The following DMRTB1 variants were observed in gnomAD, a reference collection of about 807,000 sequenced individuals.
DMRTB1 encodes doublesex- and mab-3-related transcription factor B1.
In DMRTB1, 9 loss-of-function variants were observed where a neutral mutation model predicts 25.2. The ratio of observed to expected loss-of-function variants is 0.36; its 90% CI spans 0.22 to 0.62. DMRTB1 has a LOEUF of 0.62. Ranked by LOEUF, DMRTB1 falls within the 20% of genes least tolerant of loss-of-function variation. DMRTB1 has a pLI of 0.71. For missense variants in DMRTB1, 551 were observed against 499.3 expected, an observed-to-expected ratio of 1.10 and a Z score of -0.99; for synonymous variants, 269 against 238.1, an observed-to-expected ratio of 1.13 and a Z score of -1.20.
At position 53,459,802 on chromosome 1, in the gene DMRTB1, G is replaced by A; in HGVS notation, c.349G>A (p.Ala117Thr). ...CCCGGGACCCGAGGGCCGCGCGGCC[G>A]CTTGCTTCTTCGAGCAGCCCCCGCG... ...ADPGPEGRAA[A>T]CFFEQPPRGR... The change falls in exon 1 of 4, where the codon GCT becomes ACT. Residue 117 changes from alanine to threonine, a missense_variant. Transcript: ENST00000371445. 3 of 1,428,136 alleles carry A rather than the reference G, an allele frequency of 2.1e-6. No individual in the cohort carries two copies. Among genetic ancestry groups the A allele is most frequent in the Non-Finnish European group, 2.7e-6 (3 of 1,096,632 alleles). The allele number at this position is 1,428,136 out of a possible 1,614,324, so 88.5% of individuals were successfully genotyped here.
Position 53,466,502 on chromosome 1 carries a change from A to G in DMRTB1, c.962-93A>G, listed in dbSNP as rs975927030. ...CGAGACTCTGTCTCAAAAAAATTAA[A>G]ATAAAATAAGAAAAAAGAAAATCTT... On this transcript the variant is annotated intron_variant, in intron 3 of 3. Coordinates refer to ENST00000371445, the MANE Select transcript of DMRTB1 (RefSeq NM_033067.3). 85 of 1,319,702 alleles carry G rather than the reference A, an allele frequency of 6.4e-5. No homozygotes were observed. In the African/African-American group the frequency reaches 1.2e-3, roughly 18 times the overall value. The allele number at this position is 1,319,702 out of a possible 1,614,324, so 81.7% of individuals were successfully genotyped here.
chr1:53,460,374 C>G (rs1326668096), intron 1 of DMRTB1: 3 of 195,596 alleles, frequency 1.5e-5, no homozygotes, highest in African/African-American at 7.0e-5. Context: ...TCTTGCGCAC[C>G]TCTTCCCGCC....
intron 2 of DMRTB1, among the ~76,000 whole-genome samples, chr1:53,462,532 T>C (rs1292108761): frequency 6.6e-6 from 1 of 152,216 alleles, no homozygotes; most frequent in Non-Finnish European, 1.5e-5. Context: ...AAAATCATTT[T>C]CCACTGATTC....
intron 2 of DMRTB1, among the ~76,000 whole-genome samples, chr1:53,464,202 T>C (rs959180608): frequency 6.6e-6 from 1 of 152,214 alleles, no homozygotes; most frequent in Non-Finnish European, 1.5e-5. Context: ...AGAAGTCAGC[T>C]GAGTGGGCTA....
intron 1 of DMRTB1, 58 bp downstream of exon 1, chr1:53,460,088 C>T (rs916361912): frequency 1.0e-5 from 15 of 1,484,734 alleles, no homozygotes; most frequent in Non-Finnish European, 1.2e-5. Context: ...CAGGCCAGCC[C>T]GGATGGGGAG....
chr1:53,463,049 TGAGCTGCCACCACAGGCCCCAGGCAG>T (rs1644030454), intron 2 of DMRTB1, among the ~76,000 whole-genome samples: 1 of 152,222 alleles, frequency 6.6e-6, no homozygotes, highest in South Asian at 2.1e-4. Flanking sequence ...TATCTGGGCC[TGAGCTGCCACCACAGGCCCCAGGCAG>T]GAGCTGTGAT....
chr1:53,466,614 A>G lies in DMRTB1; in HGVS notation c.981A>G (p.Val327=). The G allele has an allele frequency of 6.2e-7, 1 of 1,614,240 alleles. No individual in the cohort carries two copies. The highest frequency in any genetic ancestry group is 8.5e-7 in the Non-Finnish European group (1 of 1,180,046). The change falls in exon 4 of 4, where the codon GTA becomes GTG. Residue 327 remains valine (V), a synonymous_variant. Transcript: ENST00000371445. ...TCACAGATGACCAGGATGCAGAGGT[A>G]CTGTCGGGTGAGCCCAGCCAGCCAT... ...KENTDDQDAE[V]LSGEPSQPSS...
intron 1 of DMRTB1, 110 bp from the exon 2 acceptor site, chr1:53,461,363 G>A: frequency 1.7e-6 from 2 of 1,161,494 alleles, no homozygotes; most frequent in Non-Finnish European, 2.4e-6. Flanking sequence ...AGTGCGGGGT[G>A]GGCTTTCTGT....
intron 2 of DMRTB1, 34 bp downstream of exon 2, chr1:53,461,679 T>C (rs1569649352): frequency 6.6e-7 from 1 of 1,515,962 alleles, no homozygotes; most frequent in Non-Finnish European, 8.8e-7. Context: ...GCCAGCTTCC[T>C]CCACCCAGTC....
At chr1:53,460,201 C>G (rs1156687661) in intron 1 of DMRTB1, 171 bp downstream of exon 1, 20 of 959,262 alleles carry the variant, frequency 2.1e-5, no homozygotes, top group Non-Finnish European at 4.3e-6. Context: ...GGTAACTTTT[C>G]GCAAAAAGGA....
chr1:53,459,639 G>C lies in DMRTB1; in HGVS notation c.186G>C (p.Glu62Asp). 3 of 1,556,150 alleles carry C rather than the reference G, an allele frequency of 1.9e-6. No individual in the cohort carries two copies. Among genetic ancestry groups the C allele is most frequent in the Non-Finnish European group, 2.6e-6 (3 of 1,151,118 alleles). Residue 62 changes from glutamate to aspartate, a missense_variant, in exon 1 of 4, where the codon GAG becomes GAC. Transcript: ENST00000371445. ...AQKVLKTQAA[E>D]EEQEAALCAQ... ...AGGTGCTCAAGACGCAGGCCGCCGA[G>C]GAGGAGCAGGAGGCGGCCCTGTGTG...
chr1:53,460,027 T>A lies in DMRTB1; in HGVS notation c.574T>A (p.Phe192Ile). 6.3e-7 allele frequency: 1 copy of A among 1,575,654 alleles called. No homozygotes were observed. The highest frequency in any genetic ancestry group is 1.1e-5 in the South Asian group (1 of 88,314). The change falls in exon 1 of 4, where the codon TTT becomes ATT. Residue 192 changes from phenylalanine to isoleucine, a missense_variant. Phe to Ile is a conservative substitution (Grantham distance 21). Coordinates refer to ENST00000371445, the MANE Select transcript of DMRTB1 (RefSeq NM_033067.3). ...CGTGCCCGGCCCACTGTTCACCGAC[T>A]TTGGTAAGTCGTGGCCTTGGTCCCG... ...RTVPGPLFTD[F>I]VRPLNINPDR...
rs1181721927 is a variant in DMRTB1 at position 53,467,389 on chromosome 1, G to A, written c.*727G>A. 2.0e-5 allele frequency: 3 copies of A among 152,404 alleles called. No individual in the cohort carries two copies. The highest frequency in any genetic ancestry group is 7.2e-5 in the African/African-American group (3 of 41,466). 9.4% of individuals were successfully genotyped at this position (152,404 alleles called of 1,614,324 possible). A position where few individuals can be genotyped will look rare whatever the true frequency, so the allele number is the denominator to read the frequency against. On this transcript the variant is annotated 3_prime_UTR_variant, in exon 4 of 4. Transcript: ENST00000371445. ...AAGTAGGCTGTTCATAAGCACTGAT[G>A]CAGTCCCTAGGGAATAGAATGGTGC...
intron 2 of DMRTB1, among the ~76,000 whole-genome samples, chr1:53,463,392 G>T (rs755345230): frequency 6.6e-6 from 1 of 152,122 alleles, no homozygotes; most frequent in African/African-American, 2.4e-5. Flanking sequence ...TGCCTCCCCC[G>T]TCGTGTCCCA....
At chr1:53,464,035 CTTG>C (rs1378090505) in intron 2 of DMRTB1, among the ~76,000 whole-genome samples, 1 of 152,214 alleles carries the variant, frequency 6.6e-6, no homozygotes, top group African/African-American at 2.4e-5. Context: ...CCCAGTGTAT[CTTG>C]CCTCAGAAAC....
chr1:53,459,504 T>G lies in DMRTB1; in HGVS notation c.51T>G (p.His17Gln). ...RTPKCSRCRN[H>Q]GFLVPVKGHA... ...CCAAGTGCTCGAGATGCAGGAACCA[T>G]GGCTTCCTGGTGCCCGTCAAGGGAC... is the stretch of plus-strand genomic sequence containing the variant. The change falls in exon 1 of 4, where the codon CAT becomes CAG. Residue 17 changes from histidine (H) to glutamine (Q), a missense_variant. By Grantham distance (24) the His-to-Gln change is conservative. Transcript: ENST00000371445. 1 of 1,613,242 alleles carries G rather than the reference T, an allele frequency of 6.2e-7. No homozygotes were observed. Among genetic ancestry groups the G allele is most frequent in the Non-Finnish European group, 8.5e-7 (1 of 1,180,004 alleles).
chr1:53,461,742 CTG>C (rs1644024204), intron 2 of DMRTB1, 97 bp downstream of exon 2: 4 of 1,401,114 alleles, frequency 2.9e-6, no homozygotes, highest in Non-Finnish European at 3.8e-6. Flanking sequence ...CTGTCATAAA[CTG>C]TGCCCACGCC....
chr1:53,461,354 G>C, intron 1 of DMRTB1, 119 bp from the exon 2 acceptor site: 1 of 1,079,804 alleles, frequency 9.3e-7, no homozygotes, highest in Non-Finnish European at 1.3e-6. Flanking sequence ...GCGGAAGGAA[G>C]TGCGGGGTGG....
rs150466113 is a variant in DMRTB1 at position 53,464,713 on chromosome 1, C to A, written c.827C>A (p.Pro276Gln). 1 of 1,613,584 alleles carries A rather than the reference C, an allele frequency of 6.2e-7. No individual in the cohort carries two copies. The highest frequency in any genetic ancestry group is 8.5e-7 in the Non-Finnish European group (1 of 1,179,726). Residue 276 changes from proline (P) to glutamine (Q), a missense_variant, in exon 3 of 4, where the codon CCG becomes CAG. By Grantham distance (76) the Pro-to-Gln change is moderately conservative. Coordinates refer to ENST00000371445, the MANE Select transcript of DMRTB1 (RefSeq NM_033067.3). Reference protein sequence around the residue: ...PPPPPLPPLPPLPPQPQFLPP... With the variant: ...PPPPPLPPLPQLPPQPQFLPP... The stretch of plus-strand genomic sequence containing the variant: ...CCGCCGCCACTGCCGCCCCTTCCAC[C>A]GCTTCCACCGCAGCCCCAGTTCCTC...
Sources: gnomAD v4.1 joint callset for allele counts (sites outside exome capture counted in the v4.1 genomes callset) on GRCh38, gnomAD v4.1.1 for gene constraint, MANE v1.5 for transcripts, NCBI Gene and HGNC (gene_info 2026-07-23, HGNC 2026-07-21) for gene names.